CUL1: variants seen among roughly 807,000 people sequenced by gnomAD.
CUL1 encodes cullin 1, also known as cullin-1.
Under a neutral mutation model 118.0 loss-of-function variants are expected in CUL1, and 24 were observed. The observed-to-expected ratio is 0.20, with a 90% CI of 0.15 to 0.29. CUL1 has a LOEUF of 0.29. CUL1 is among the 10% of genes least tolerant of loss of function. The pLI, the probability that CUL1 is intolerant of heterozygous loss-of-function variation, is 1.00. For missense variants in CUL1, 361 were observed against 933.8 expected, an observed-to-expected ratio of 0.39 and a Z score of 7.99; for synonymous variants, 332 against 340.4, an observed-to-expected ratio of 0.98 and a Z score of 0.27.
At chr7:148,714,115 T>G (rs1265504618) in intron 1 of CUL1, among the ~76,000 whole-genome samples, 2 of 152,228 alleles carry the variant, frequency 1.3e-5, no homozygotes, top group African/African-American at 4.8e-5. Context: ...CTCTACTAAT[T>G]TATTCTTTAT....
At chr7:148,767,794 C>T (rs1800055412) in intron 9 of CUL1, 45 bp downstream of exon 9, 3 of 1,593,774 alleles carry the variant, frequency 1.9e-6, no homozygotes, top group African/African-American at 1.3e-5. Flanking sequence ...ATTATTTCCA[C>T]ATGCGAACTG....
At chr7:148,784,149 T>C (rs1203827621) in intron 11 of CUL1, 72 bp downstream of exon 11, 1 of 1,186,754 alleles carries the variant, frequency 8.4e-7, no homozygotes, top group African/African-American at 1.5e-5. Flanking sequence ...AATTAAAACC[T>C]ACATTACATT....
intron 1 of CUL1, among the ~76,000 whole-genome samples, chr7:148,721,412 T>G (rs1301229462): frequency 2.0e-5 from 3 of 152,198 alleles, no homozygotes; most frequent in Admixed American, 6.5e-5. Flanking sequence ...TTGTTAGCTT[T>G]TTATTATGGA....
intron 1 of CUL1, among the ~76,000 whole-genome samples, chr7:148,722,247 C>A (rs1393154327): frequency 2.0e-5 from 3 of 152,202 alleles, no homozygotes; most frequent in Non-Finnish European, 4.4e-5. Context: ...CCGACTAACA[C>A]AGGCCATCAG....
Position 148,752,297 on chromosome 7 carries a change from C to T in CUL1, c.141-1679C>T, listed in dbSNP as rs190243269. Among the ~76,000 whole-genome samples, 114 of 152,150 alleles carry T rather than the reference C, an allele frequency of 7.5e-4. 1 individual carries two copies. Among genetic ancestry groups the T allele is most frequent in the Non-Finnish European group, 3.1e-4 (21 of 68,002 alleles). ...TATAACCTGTAATATTTTATTTTCT[C>T]AAAAGTTGAGGGAGGCTGTAGGTGG... On this transcript the variant is annotated intron_variant, in intron 2 of 21. Coordinates refer to ENST00000325222, the MANE Select transcript of CUL1 (RefSeq NM_003592.3).
chr7:148,763,044 A>G (rs1277411543), intron 7 of CUL1, among the ~76,000 whole-genome samples: 7 of 151,998 alleles, frequency 4.6e-5, no homozygotes, highest in Non-Finnish European at 7.4e-5. Context: ...CTACTTGGGA[A>G]GCTGAGGCAG....
intron 7 of CUL1, 77 bp from the exon 8 acceptor site, chr7:148,766,484 T>G: frequency 8.0e-7 from 1 of 1,252,766 alleles, no homozygotes; most frequent in African/African-American, 1.6e-5. Context: ...TCAGTTTCCT[T>G]TAATTTACAT....
intron 3 of CUL1, 96 bp downstream of exon 3, chr7:148,754,246 T>C: frequency 1.2e-6 from 1 of 846,262 alleles, no homozygotes. Context: ...TGTCATCTGT[T>C]ACTGTTTTAG....
At chr7:148,756,374 C>G (rs557481830) in intron 3 of CUL1, among the ~76,000 whole-genome samples, 1 of 151,868 alleles carries the variant, frequency 6.6e-6, no homozygotes, top group African/African-American at 2.4e-5. Context: ...CTTGCTCTGT[C>G]GCCCAGGCTA....
intron 1 of CUL1, among the ~76,000 whole-genome samples, chr7:148,708,738 A>C (rs1462676920): frequency 6.6e-6 from 1 of 152,200 alleles, no homozygotes; most frequent in Non-Finnish European, 1.5e-5. Context: ...TTTTCACTTG[A>C]AAGTAGCTGG....
At chr7:148,719,263 A>G (rs1385472188) in intron 1 of CUL1, among the ~76,000 whole-genome samples, 1 of 152,050 alleles carries the variant, frequency 6.6e-6, no homozygotes, top group Non-Finnish European at 1.5e-5. Flanking sequence ...GTGAGCCAAG[A>G]TTGCGCCACT....
intron 2 of CUL1, among the ~76,000 whole-genome samples, chr7:148,745,825 A>G (rs1430388153): frequency 6.6e-6 from 1 of 151,926 alleles, no homozygotes; most frequent in African/African-American, 2.4e-5. Context: ...GTGGGATCAT[A>G]ACATTCTGGC....
intron 17 of CUL1, among the ~76,000 whole-genome samples, chr7:148,797,487 G>T (rs149080540): frequency 6.6e-6 from 1 of 151,202 alleles, no homozygotes; most frequent in Non-Finnish European, 1.5e-5. Context: ...GCAGTATTCC[G>T]AAATCCAAAC....
At chr7:148,713,727 A>G (rs1304684332) in intron 1 of CUL1, among the ~76,000 whole-genome samples, 2 of 152,038 alleles carry the variant, frequency 1.3e-5, no homozygotes, top group Non-Finnish European at 2.9e-5. Context: ...ATTTTATATT[A>G]TATATATATT....
intron 9 of CUL1, among the ~76,000 whole-genome samples, chr7:148,781,079 A>ATTTTTGTTT (rs1800612197): frequency 1.1e-5 from 1 of 93,732 alleles, no homozygotes; most frequent in Admixed American, 1.5e-4. Context: ...TCAAGGCCAG[A>ATTTTTGTTT]TTTTTTTTTT....
At chr7:148,784,927 T>A (rs759522665) in intron 11 of CUL1, among the ~76,000 whole-genome samples, 1 of 152,198 alleles carries the variant, frequency 6.6e-6, no homozygotes, top group Non-Finnish European at 1.5e-5. Flanking sequence ...CAAGCCAGAT[T>A]TCCCAGTGAA....
upstream of CUL1, chr7:148,698,609 G>A (rs1473424451): frequency 2.6e-5 from 4 of 151,900 alleles, no homozygotes; most frequent in Admixed American, 2.6e-4. Context: ...GCCGGCAGCG[G>A]CGAGCGGGCG....
At chr7:148,776,356 A>G (rs370516142) in intron 9 of CUL1, among the ~76,000 whole-genome samples, 1 of 104,276 alleles carries the variant, frequency 9.6e-6, no homozygotes. Context: ...TCACTCTTTC[A>G]CCCAGGCTGG....
At chr7:148,715,359 C>T (rs112004330) in intron 1 of CUL1, among the ~76,000 whole-genome samples, 3 of 151,588 alleles carry the variant, frequency 2.0e-5, no homozygotes, top group African/African-American at 2.4e-5. Flanking sequence ...GCTTTCTACT[C>T]GTTCAGAGCT....
Sources: allele counts gnomAD v4.1 joint callset (sites outside exome capture counted in the v4.1 genomes callset), GRCh38; gene constraint gnomAD v4.1.1; transcripts MANE v1.5; gene names NCBI Gene and HGNC (gene_info 2026-07-23, HGNC 2026-07-21).